The following VPS26A variants were observed in gnomAD, a reference collection of about 807,000 sequenced individuals.
VPS26A encodes the protein VPS26 retromer complex component A, also known as vacuolar protein sorting-associated protein 26A.
Under a neutral mutation model 42.4 loss-of-function variants are expected in VPS26A, and 22 were observed. That is an observed-to-expected ratio of 0.52 (90% CI 0.37 to 0.74). The LOEUF (loss-of-function observed/expected upper bound fraction) is 0.74. Ranked by LOEUF, VPS26A falls within the 30% of genes least tolerant of loss-of-function variation. The pLI, the probability that VPS26A is intolerant of heterozygous loss-of-function variation, is 0.00. For synonymous variants in VPS26A, 110 were observed against 123.5 expected (o/e 0.89, Z 0.73); for missense variants, 276 against 379.2 (o/e 0.73, Z 2.26).
intron 3 of VPS26A, among the ~76,000 whole-genome samples, chr10:69,156,254 A>C (rs1219048709): frequency 6.6e-6 from 1 of 151,616 alleles, no homozygotes; most frequent in Non-Finnish European, 1.5e-5. Context: ...TTCCTGATCT[A>C]GTGTGTGCCT....
intron 4 of VPS26A, among the ~76,000 whole-genome samples, 181 bp downstream of exon 4, chr10:69,157,344 G>A (rs1841455024): frequency 6.6e-6 from 1 of 152,150 alleles, no homozygotes; most frequent in South Asian, 2.1e-4. Context: ...ACATTATAGA[G>A]TTAGACAACA....
intron 2 of VPS26A, among the ~76,000 whole-genome samples, chr10:69,150,008 G>A (rs1009710877): frequency 6.6e-6 from 1 of 151,908 alleles, no homozygotes; most frequent in African/African-American, 2.4e-5. Flanking sequence ...GCCTCCCAAA[G>A]TGCTGGGATT....
intron 2 of VPS26A, among the ~76,000 whole-genome samples, chr10:69,135,494 G>C (rs1299383658): frequency 6.6e-6 from 1 of 152,114 alleles, no homozygotes; most frequent in Non-Finnish European, 1.5e-5. Context: ...TGTAATCCCA[G>C]CTCTTTGGGA....
At chr10:69,125,911 A>G (rs1026650351) in intron 1 of VPS26A, among the ~76,000 whole-genome samples, 1 of 152,158 alleles carries the variant, frequency 6.6e-6, no homozygotes, top group African/African-American at 2.4e-5. Flanking sequence ...CTAATTGGTA[A>G]TGCTCAATAT....
rs142210339 is a variant in VPS26A at position 69,154,872 on chromosome 10, T to C, written c.154-940T>C. On this transcript the variant is annotated intron_variant, in intron 2 of 8. Transcript: ENST00000263559. The stretch of plus-strand genomic sequence containing the variant: ...GAGTGAGACTCTGTCTCTTAAAATA[T>C]GTGTGTGTGTGCGCGCACGCGCACG... 5.5e-3 allele frequency among the ~76,000 whole-genome samples: 844 copies of C among 152,218 alleles called. 7 individuals carry two copies. The highest frequency in any genetic ancestry group is 9.9e-3 in the Non-Finnish European group (673 of 68,008).
rs771182785 is a variant in VPS26A, at chr10:69,171,233, A to G, written c.948A>G (p.Pro316=). The part of the protein sequence containing the change: ...RTNFHQRFES[P]ESQASAEQPE... Reference sequence around the variant, plus strand: ...ACTTTCACCAGCGATTTGAATCTCCAGAATCACAGGCATCTGCCGAACAGC... The same window carrying G: ...ACTTTCACCAGCGATTTGAATCTCCGGAATCACAGGCATCTGCCGAACAGC... The change falls in exon 9 of 9, where the codon CCA becomes CCG. Residue 316 remains proline (P), a synonymous_variant. Transcript: ENST00000263559. 6.2e-7 allele frequency: 1 copy of G among 1,613,970 alleles called. No individual in the cohort carries two copies.
chr10:69,137,401 G>C (rs2132195946), intron 2 of VPS26A, among the ~76,000 whole-genome samples: 1 of 152,280 alleles, frequency 6.6e-6, no homozygotes, highest in East Asian at 1.9e-4. Context: ...TGAAGTTCAG[G>C]ATTTTCTTCC....
intron 2 of VPS26A, chr10:69,133,564 T>C: frequency 7.8e-7 from 1 of 1,289,628 alleles, no homozygotes; most frequent in Non-Finnish European, 1.0e-6. Flanking sequence ...ACTTTTGGGA[T>C]GTGTCTATGC....
chr10:69,148,947 G>C (rs1441961143), intron 2 of VPS26A, among the ~76,000 whole-genome samples: 1 of 152,050 alleles, frequency 6.6e-6, no homozygotes, highest in African/African-American at 2.4e-5. Flanking sequence ...TAGTAGAGAT[G>C]GGGTTTCACC....
intron 1 of VPS26A, among the ~76,000 whole-genome samples, chr10:69,124,655 C>A (rs995019289): frequency 1.3e-5 from 2 of 152,200 alleles, no homozygotes; most frequent in Non-Finnish European, 2.9e-5. Context: ...CTCTTCCATC[C>A]AGGTGGGGCG....
Position 69,173,931 on chromosome 10 carries a change from T to TTGTTGC in VPS26A, c.*2664_*2665insTTGCTG, listed in dbSNP as rs200465391. Among the ~76,000 whole-genome samples the TTGTTGC allele has an allele frequency of 0.034, 5,201 of 151,158 alleles. 309 individuals are homozygous for TTGTTGC. The highest frequency in any genetic ancestry group is 0.12 in the African/African-American group (4,892 of 40,856). On this transcript the variant is annotated 3_prime_UTR_variant, in exon 9 of 9. Transcript: ENST00000263559. ...ATTGCTTGAACCCGGGAGGCAGAGG[T>TTGTTGC]TGCAGTGAGCCGAGATCACACCAAT...
intron 6 of VPS26A, among the ~76,000 whole-genome samples, chr10:69,163,352 T>TC (rs1454276755): frequency 3.9e-5 from 6 of 152,226 alleles, no homozygotes. Flanking sequence ...ACTCCTGGGC[T>TC]CAAGCTATCC....
Position 69,158,153 on chromosome 10 carries a change from A to G in VPS26A, c.493A>G (p.Lys165Glu). 1 of 1,612,634 alleles carries G rather than the reference A, an allele frequency of 6.2e-7. No homozygotes were observed. Among genetic ancestry groups the G allele is most frequent in the Non-Finnish European group, 8.5e-7 (1 of 1,179,350 alleles). ...CTATCCTGATGTTAACAACTCTATT[A>G]AGATGGAAGTGGGCATTGAAGATTG... Reference protein sequence around the residue: ...ATYPDVNNSIKMEVGIEDCLH... With the variant: ...ATYPDVNNSIEMEVGIEDCLH... Residue 165 changes from lysine to glutamate, a missense_variant, in exon 5 of 9, where the codon AAG becomes GAG. Physicochemically the swap from Lys to Glu is moderately conservative, Grantham distance 56 (BLOSUM62 1). Coordinates refer to ENST00000263559, the MANE Select transcript of VPS26A (RefSeq NM_004896.5).
chr10:69,169,671 C>T (rs1009164177), intron 8 of VPS26A, among the ~76,000 whole-genome samples: 7 of 151,210 alleles, frequency 4.6e-5, no homozygotes, highest in African/African-American at 9.7e-5. Context: ...TGCAGTGGTG[C>T]GATCTCAGCT....
intron 2 of VPS26A, among the ~76,000 whole-genome samples, chr10:69,151,268 A>AAAAAAAAAAACAAAAAC (rs1841301283): frequency 4.4e-5 from 3 of 68,784 alleles, no homozygotes; most frequent in Admixed American, 3.0e-4. Flanking sequence ...CCATGTCAAA[A>AAAAAAAAAAACAAAAAC]AAAAAAAAAA....
At chr10:69,133,590 T>C (rs1471322857) in intron 2 of VPS26A, 3 of 1,289,630 alleles carry the variant, frequency 2.3e-6, no homozygotes, top group South Asian at 1.2e-5. Flanking sequence ...CAGATATGTT[T>C]ATGACGCCTT....
At chr10:69,136,423 T>G (rs1840911925) in intron 2 of VPS26A, among the ~76,000 whole-genome samples, 1 of 150,790 alleles carries the variant, frequency 6.6e-6, no homozygotes, top group African/African-American at 2.4e-5. Flanking sequence ...CGCCACGACA[T>G]CCGGCTAATT....
At chr10:69,141,959 C>T (rs1294694407) in intron 2 of VPS26A, among the ~76,000 whole-genome samples, 3 of 152,122 alleles carry the variant, frequency 2.0e-5, no homozygotes, top group African/African-American at 7.2e-5. Flanking sequence ...TCTTGGCTCA[C>T]TGCAACCTCT....
At chr10:69,166,985 G>T (rs1841701483) in intron 7 of VPS26A, among the ~76,000 whole-genome samples, 1 of 151,874 alleles carries the variant, frequency 6.6e-6, no homozygotes, top group Non-Finnish European at 1.5e-5. Flanking sequence ...AAATTAGCTG[G>T]GTATGGTGGT....
Sources: gnomAD v4.1 joint callset for allele counts (sites outside exome capture counted in the v4.1 genomes callset) on GRCh38, gnomAD v4.1.1 for gene constraint, MANE v1.5 for transcripts, NCBI Gene and HGNC (gene_info 2026-07-23, HGNC 2026-07-21) for gene names.